Variants in SPON1 observed in about 807,000 individuals in gnomAD.
SPON1 encodes spondin-1.
A neutral mutation model predicts 111.7 loss-of-function variants in SPON1; 52 were observed. The observed-to-expected ratio is 0.47, with a 90% confidence interval of 0.37 to 0.59. The LOEUF is 0.59. Ranked by LOEUF, SPON1 falls within the 20% of genes least tolerant of loss-of-function variation. The pLI is 0.00. For synonymous variants in SPON1, 410 were observed against 395.8 expected (o/e 1.04, Z -0.43); for missense variants, 957 against 1,068.5 (o/e 0.90, Z 1.46).
chr11:14,005,563 G>T (rs1360108473), intron 2 of SPON1, among the ~76,000 whole-genome samples: 2 of 152,164 alleles, frequency 1.3e-5, no homozygotes, highest in Non-Finnish European at 2.9e-5. Context: ...AATTAAGCCT[G>T]GGGCTTTTCA....
intron 1 of SPON1, among the ~76,000 whole-genome samples, chr11:13,978,294 G>C (rs892713190): frequency 6.6e-6 from 1 of 152,068 alleles, no homozygotes. Context: ...AGAGCATACT[G>C]GGATTTTAAT....
intron 5 of SPON1, among the ~76,000 whole-genome samples, chr11:14,127,893 G>A (rs1554927164): frequency 6.6e-6 from 1 of 152,182 alleles, no homozygotes; most frequent in Admixed American, 6.5e-5. Flanking sequence ...TCACAAGGTG[G>A]CAGGAGAGAG....
intron 6 of SPON1, among the ~76,000 whole-genome samples, chr11:14,231,498 G>T (rs1848802517): frequency 6.6e-6 from 1 of 151,954 alleles, no homozygotes; most frequent in South Asian, 2.1e-4. Flanking sequence ...ATATAATAAG[G>T]TTACACAGTG....
chr11:14,000,792 G>A (rs1383015939), intron 2 of SPON1, among the ~76,000 whole-genome samples: 2 of 152,028 alleles, frequency 1.3e-5, no homozygotes, highest in Non-Finnish European at 2.9e-5. Flanking sequence ...GCCTTTCTGG[G>A]CCCTAGCATT....
At chr11:14,109,904 G>C (rs531856768) in intron 5 of SPON1, among the ~76,000 whole-genome samples, 13 of 152,334 alleles carry the variant, frequency 8.5e-5, no homozygotes, top group South Asian at 2.1e-4. Flanking sequence ...AGACAGGAAA[G>C]AGTTATCTCT....
At chr11:13,980,340 C>T (rs1848134737) in intron 1 of SPON1, among the ~76,000 whole-genome samples, 2 of 152,138 alleles carry the variant, frequency 1.3e-5, no homozygotes, top group African/African-American at 4.8e-5. Context: ...CGCGCCTAGC[C>T]CCTTCTTTCT....
intron 3 of SPON1, among the ~76,000 whole-genome samples, chr11:14,046,115 G>T (rs1455440536): frequency 6.6e-6 from 1 of 152,168 alleles, no homozygotes; most frequent in African/African-American, 2.4e-5. Context: ...CAATGGTGGG[G>T]GCAAAATAAC....
intron 6 of SPON1, among the ~76,000 whole-genome samples, chr11:14,200,614 G>A (rs1307790516): frequency 6.6e-6 from 1 of 151,992 alleles, no homozygotes; most frequent in Non-Finnish European, 1.5e-5. Context: ...CCAGGTTTGA[G>A]ACCAGCCTGG....
At chr11:14,085,268 A>G (rs1339745142) in intron 5 of SPON1, among the ~76,000 whole-genome samples, 1 of 152,110 alleles carries the variant, frequency 6.6e-6, no homozygotes, top group African/African-American at 2.4e-5. Context: ...TAGGGTTTTT[A>G]TGCTTTTAGG....
At chr11:14,121,707 T>G (rs1047539331) in intron 5 of SPON1, among the ~76,000 whole-genome samples, 2 of 152,238 alleles carry the variant, frequency 1.3e-5, no homozygotes, top group Non-Finnish European at 1.5e-5. Flanking sequence ...TATTCCTTCA[T>G]GTAGATCTGT....
intron 2 of SPON1, among the ~76,000 whole-genome samples, chr11:13,996,590 A>G (rs1207140436): frequency 1.3e-5 from 2 of 152,234 alleles, no homozygotes; most frequent in African/African-American, 4.8e-5. Context: ...AGAAAAGGAT[A>G]AATACAGAGA....
chr11:14,053,517 G>C (rs1554918845), intron 3 of SPON1, among the ~76,000 whole-genome samples: 2 of 152,116 alleles, frequency 1.3e-5, no homozygotes, highest in Non-Finnish European at 1.5e-5. Context: ...CCATTGTATG[G>C]ATATACCACA....
rs934597096 is a variant in SPON1, at chr11:14,250,265, C to T, written c.891-4263C>T. ...AATTCAATTCTTTTCTTTATAATTGCTTTTATTGTTTCAAAGTTGAAAAAA... is the reference window on the plus strand; with the variant it reads ...AATTCAATTCTTTTCTTTATAATTGTTTTTATTGTTTCAAAGTTGAAAAAA... On this transcript the variant is annotated intron_variant, in intron 7 of 15. Transcript: ENST00000576479. Among the ~76,000 whole-genome samples, 13 of 151,566 alleles carry T rather than the reference C, an allele frequency of 8.6e-5. No homozygotes were observed. The South Asian group carries it at 1.0e-3, about 12-fold the overall frequency.
chr11:14,057,024 ATAAAC>A (rs1848750183), intron 3 of SPON1, among the ~76,000 whole-genome samples: 1 of 152,164 alleles, frequency 6.6e-6, no homozygotes, highest in Non-Finnish European at 1.5e-5. Flanking sequence ...TAAAATGGAA[ATAAAC>A]TAAATAATAT....
In SPON1 at chr11:14,260,737, A is replaced by G. The variant is rs782772810; in HGVS notation, c.1981A>G (p.Met661Val). ...NEDLEQVEKC[M>V]LPECPIDCEL... The stretch of plus-strand genomic sequence containing the variant: ...GGATCTGGAGCAGGTGGAGAAGTGC[A>G]TGCTCCCTGAATGCCGTAAGTCCTG... The change falls in exon 14 of 16, where the codon ATG (methionine) becomes GTG (valine). Residue 661 changes from methionine to valine, a missense_variant. This residue lies in a region of SPON1 where 549 missense variants were observed against 606.2 expected (regional missense o/e 0.91). Coordinates refer to ENST00000576479, the MANE Select transcript of SPON1 (RefSeq NM_006108.4). 5 of 1,613,764 alleles carry G rather than the reference A, an allele frequency of 3.1e-6. No individual in the cohort carries two copies. Among genetic ancestry groups the G allele is most frequent in the Non-Finnish European group, 4.2e-6 (5 of 1,179,760 alleles).
Position 14,075,308 on chromosome 11 carries a change from C to T in SPON1, c.480-37C>T, listed in dbSNP as rs570282295. The T allele has an allele frequency of 1.2e-4, 176 of 1,524,388 alleles. No homozygotes were observed. The South Asian group carries it at 2.0e-3, about 17-fold the overall frequency. 94.4% of individuals were successfully genotyped at this position (1,524,388 alleles called of 1,614,324 possible). A position where few individuals can be genotyped will look rare whatever the true frequency, so the allele number is the denominator to read the frequency against. ...GATCTCCCAAACCTGCCTTCCTGCC[C>T]TCCTCACCACTGTGCTTGGGTCTTC... is the stretch of plus-strand genomic sequence containing the variant. On this transcript the variant is annotated intron_variant, in intron 3 of 15. Transcript: ENST00000576479.
intron 6 of SPON1, among the ~76,000 whole-genome samples, chr11:14,148,646 C>T (rs1227096918): frequency 6.6e-6 from 1 of 152,170 alleles, no homozygotes; most frequent in African/African-American, 2.4e-5. Flanking sequence ...AGAAAATATA[C>T]TTCACATGTC....
At chr11:14,199,206 T>G (rs1356973325) in intron 6 of SPON1, among the ~76,000 whole-genome samples, 1 of 152,190 alleles carries the variant, frequency 6.6e-6, no homozygotes, top group Non-Finnish European at 1.5e-5. Flanking sequence ...GTCCCCTAGA[T>G]ACTTTCTTAA....
intron 5 of SPON1, among the ~76,000 whole-genome samples, chr11:14,115,986 TTTG>T (rs1390095310): frequency 1.8e-4 from 28 of 152,322 alleles, no homozygotes; most frequent in African/African-American, 6.0e-4. Context: ...GGGATTTTGA[TTTG>T]TACTTTTTTG....
Sources: allele counts gnomAD v4.1 joint callset (sites outside exome capture counted in the v4.1 genomes callset), GRCh38; gene constraint gnomAD v4.1.1; regional missense constraint gnomAD v4.1.1; transcripts MANE v1.5; gene names NCBI Gene and HGNC (gene_info 2026-07-23, HGNC 2026-07-21).